TMEM132D: variants seen among roughly 807,000 people sequenced by gnomAD.
TMEM132D encodes mature OL transmembrane protein.
TMEM132D carries 21 observed loss-of-function variants against 62.3 expected under a neutral mutation model. The ratio of observed to expected loss-of-function variants is 0.34; its 90% confidence interval spans 0.24 to 0.49. The LOEUF (loss-of-function observed/expected upper bound fraction) is 0.49. TMEM132D is among the 20% of genes least tolerant of loss of function. TMEM132D has a pLI of 0.99. For synonymous variants in TMEM132D, 621 were observed against 575.6 expected, an observed-to-expected ratio of 1.08 and a Z score of -1.13; for missense variants, 1,346 against 1,402.8, an observed-to-expected ratio of 0.96 and a Z score of 0.65.
At chr12:129,446,270 G>A (rs1669365936) in intron 3 of TMEM132D, among the ~76,000 whole-genome samples, 1 of 152,166 alleles carries the variant, frequency 6.6e-6, no homozygotes, top group African/African-American at 2.4e-5. Context: ...AGAGGATGTG[G>A]TGTGACTTGG....
intron 2 of TMEM132D, among the ~76,000 whole-genome samples, chr12:129,661,423 G>C (rs1880234753): frequency 6.6e-6 from 1 of 152,200 alleles, no homozygotes; most frequent in African/African-American, 2.4e-5. Flanking sequence ...AAAAGGCAAA[G>C]GCAGAAAAGT....
chr12:129,836,495 A>AGTGTGTGTGTGTGT (rs3046909), intron 1 of TMEM132D, among the ~76,000 whole-genome samples: 1 of 150,804 alleles, frequency 6.6e-6, no homozygotes, highest in African/African-American at 2.4e-5. Context: ...AGGAATGCAG[A>AGTGTGTGTGTGTGT]GTGTGTGTGT....
In TMEM132D at chr12:129,568,819, C is replaced by T. The variant is rs1593069173; in HGVS notation, c.969-37614G>A. On this transcript the variant is annotated intron_variant, in intron 2 of 8. Coordinates refer to ENST00000422113, the MANE Select transcript of TMEM132D (RefSeq NM_133448.3). ...AGCATAAAGGAAAACCACATTCAAC[C>T]ATAGATTTCTACAGTAACTGGAATC... is the stretch of plus-strand genomic sequence containing the variant. Among the ~76,000 whole-genome samples, 5 of 152,234 alleles carry T rather than the reference C, an allele frequency of 3.3e-5. No homozygotes were observed. The South Asian group carries it at 1.0e-3, about 32-fold the overall frequency.
chr12:129,557,097 A>G (rs1877084229), intron 2 of TMEM132D, among the ~76,000 whole-genome samples: 1 of 152,240 alleles, frequency 6.6e-6, no homozygotes. Context: ...AAAGAAATAT[A>G]TAGACAACCT....
intron 3 of TMEM132D, among the ~76,000 whole-genome samples, chr12:129,505,774 T>C (rs1875311204): frequency 6.6e-6 from 1 of 152,250 alleles, no homozygotes; most frequent in Non-Finnish European, 1.5e-5. Context: ...CATTATATAA[T>C]GTCCCTCTTT....
At chr12:129,659,875 T>C (rs1367789576) in intron 2 of TMEM132D, among the ~76,000 whole-genome samples, 4 of 152,234 alleles carry the variant, frequency 2.6e-5, no homozygotes, top group Non-Finnish European at 5.9e-5. Context: ...TTCCTATCCC[T>C]AGGTCCAGAC....
intron 1 of TMEM132D, among the ~76,000 whole-genome samples, chr12:129,786,639 C>T (rs1253149150): frequency 6.6e-6 from 1 of 152,170 alleles, no homozygotes; most frequent in Non-Finnish European, 1.5e-5. Flanking sequence ...GCCTGTAACC[C>T]CAGCACTCTG....
chr12:129,827,851 T>A lies in TMEM132D; in HGVS notation c.79+75410A>T, dbSNP rs1431469906. ...AAAGCACAGCCATTAAAAAATAAAA[T>A]ATGTATAAGCTGCCTGCTACAGCCA... On this transcript the variant is annotated intron_variant, in intron 1 of 8. Coordinates refer to ENST00000422113, the MANE Select transcript of TMEM132D (RefSeq NM_133448.3). This position sits in a 1 kb window ranked among gnomAD's most constrained non-coding sequence, Gnocchi z 9.7. 6.6e-6 allele frequency among the ~76,000 whole-genome samples: 1 copy of A among 152,180 alleles called. No homozygotes were observed. Among genetic ancestry groups the A allele is most frequent in the Non-Finnish European group, 1.5e-5 (1 of 68,038 alleles).
chr12:129,232,950 C>G (rs551227747), intron 4 of TMEM132D, among the ~76,000 whole-genome samples: 1 of 152,112 alleles, frequency 6.6e-6, no homozygotes, highest in Non-Finnish European at 1.5e-5. Context: ...CTGAGCCACT[C>G]GCCTCCCACC....
At chr12:129,372,482 G>A (rs1351126025) in intron 3 of TMEM132D, among the ~76,000 whole-genome samples, 4 of 152,182 alleles carry the variant, frequency 2.6e-5, no homozygotes, top group African/African-American at 9.7e-5. Context: ...CATGGTAGGA[G>A]GTGAGTAGTG....
intron 3 of TMEM132D, among the ~76,000 whole-genome samples, chr12:129,462,567 A>G (rs1420652163): frequency 6.6e-6 from 1 of 152,216 alleles, no homozygotes; most frequent in Non-Finnish European, 1.5e-5. Context: ...TGTAGTTAAC[A>G]AACACTATTC....
intron 5 of TMEM132D, chr12:129,085,138 A>G (rs918328211): frequency 4.5e-6 from 1 of 221,834 alleles, no homozygotes. Context: ...TCAAGGAGGG[A>G]CCCATGCACA....
chr12:129,179,540 A>C (rs1832921835), intron 5 of TMEM132D, among the ~76,000 whole-genome samples: 1 of 152,076 alleles, frequency 6.6e-6, no homozygotes, highest in South Asian at 2.1e-4. Flanking sequence ...CTTTTATTCC[A>C]CTAAGGCTGG....
intron 3 of TMEM132D, among the ~76,000 whole-genome samples, chr12:129,349,757 T>C (rs1249497873): frequency 6.6e-6 from 1 of 152,208 alleles, no homozygotes. Context: ...ACCAGTTGGA[T>C]CAAGGCTTTT....
intron 2 of TMEM132D, among the ~76,000 whole-genome samples, chr12:129,657,399 G>C (rs113384516): frequency 0.028 from 4,194 of 152,190 alleles, 96 homozygotes; most frequent in Non-Finnish European, 0.042. Context: ...GGATAGGATG[G>C]GGCTGATCTC....
chr12:129,278,017 G>C (rs772133970), intron 4 of TMEM132D, among the ~76,000 whole-genome samples: 3 of 152,120 alleles, frequency 2.0e-5, no homozygotes, highest in Admixed American at 6.6e-5. Context: ...ACCAAGCCAG[G>C]AATCAGCAGA....
At chr12:129,369,418 G>A (rs964157060) in intron 3 of TMEM132D, among the ~76,000 whole-genome samples, 16 of 151,716 alleles carry the variant, frequency 1.1e-4, no homozygotes, top group Admixed American at 2.6e-4. Context: ...ATTCACAGTC[G>A]GACACCTCAG....
intron 4 of TMEM132D, among the ~76,000 whole-genome samples, chr12:129,264,967 A>T (rs187402551): frequency 6.6e-6 from 1 of 152,322 alleles, no homozygotes; most frequent in East Asian, 1.9e-4. Context: ...GGTGCAGTGT[A>T]TGCTGCTTGG....
rs531115037 is a variant in TMEM132D, at chr12:129,366,300, T to C, written c.1116-28483A>G. On this transcript the variant is annotated intron_variant, in intron 3 of 8. Coordinates refer to ENST00000422113, the MANE Select transcript of TMEM132D (RefSeq NM_133448.3). ...AGGTGATTGGATCATAGGGGTGGATTTCTCATGAATTCTTTAGAACCATCC... is the reference window on the plus strand; with the variant it reads ...AGGTGATTGGATCATAGGGGTGGATCTCTCATGAATTCTTTAGAACCATCC... Among the ~76,000 whole-genome samples the C allele has an allele frequency of 4.6e-5, 7 of 152,256 alleles. 1 individual carries two copies. The South Asian group carries it at 1.5e-3, about 32-fold the overall frequency.
Sources: gnomAD v4.1 joint callset for allele counts (sites outside exome capture counted in the v4.1 genomes callset) on GRCh38, gnomAD v4.1.1 for gene constraint, Gnocchi (gnomAD v3.1) non-coding constraint, MANE v1.5 for transcripts, NCBI Gene and HGNC (gene_info 2026-07-23, HGNC 2026-07-21) for gene names.